PCDHA3: variants seen among roughly 807,000 people sequenced by gnomAD.
PCDHA3 encodes the protein protocadherin alpha 3.
A neutral mutation model predicts 62.2 loss-of-function variants in PCDHA3; 41 were observed. That is an observed-to-expected ratio of 0.66 (90% CI 0.51 to 0.86). The LOEUF is 0.86. PCDHA3 is among the 40% of genes least tolerant of loss of function. The pLI is 0.00. For synonymous variants in PCDHA3, 640 were observed against 555.4 expected (o/e 1.15, Z -2.14); for missense variants, 1,304 against 1,241.2 (o/e 1.05, Z -0.76).
intron 1 of PCDHA3, 159 bp from the exon 2 acceptor site, chr5:140,978,790 T>C (rs2096823347): frequency 3.1e-6 from 3 of 975,976 alleles, no homozygotes; most frequent in Non-Finnish European, 3.7e-6. Flanking sequence ...TAAAGTGCTA[T>C]ATATGTAGAT....
chr5:140,999,431 C>G (rs1554256799), intron 3 of PCDHA3, among the ~76,000 whole-genome samples: 1 of 152,134 alleles, frequency 6.6e-6, no homozygotes, highest in African/African-American at 2.4e-5. Context: ...GGCCAAGTAC[C>G]TTGCCTCTTA....
intron 1 of PCDHA3, among the ~76,000 whole-genome samples, chr5:140,941,193 T>TC (rs1554213826): frequency 4.3e-5 from 5 of 116,722 alleles, no homozygotes; most frequent in African/African-American, 1.7e-4. Flanking sequence ...TTCTTTTTTT[T>TC]TCTTTCTTCC....
intron 1 of PCDHA3, among the ~76,000 whole-genome samples, chr5:140,911,178 G>A (rs1227283843): frequency 1.3e-5 from 2 of 152,196 alleles, no homozygotes; most frequent in Non-Finnish European, 2.9e-5. Flanking sequence ...TGATGGCAGT[G>A]TGGGTTGGGG....
At chr5:140,871,190 A>G (rs1554165248) in intron 1 of PCDHA3, 9 of 1,613,526 alleles carry the variant, frequency 5.6e-6, no homozygotes, top group Admixed American at 3.3e-5. Flanking sequence ...GTGGATGTCA[A>G]CGTGTACCTG....
chr5:140,843,674 G>A (rs2150364800), intron 1 of PCDHA3: 16 of 1,592,324 alleles, frequency 1.0e-5, no homozygotes, highest in Middle Eastern at 1.7e-4. Context: ...ATCAGTTGAT[G>A]TAGGCGAAGA....
At position 140,868,867 on chromosome 5, in the gene PCDHA3, G is replaced by A. The variant is rs532271305; in HGVS notation, c.2394+65276G>A. ...GAAATTCTGTGGTGGTAAATGCAGT[G>A]CACAGTACTCACAGTTTTAGGCGCA... On this transcript the variant is annotated intron_variant, in intron 1 of 3. Coordinates refer to ENST00000522353, the MANE Select transcript of PCDHA3 (RefSeq NM_018906.3). The A allele has an allele frequency of 2.8e-4, 173 of 611,220 alleles. 1 individual carries two copies. In the South Asian group the frequency reaches 3.9e-3, roughly 14 times the overall value. 37.9% of individuals were successfully genotyped at this position (611,220 alleles called of 1,614,324 possible).
intron 1 of PCDHA3, chr5:140,929,538 A>C: frequency 3.3e-6 from 2 of 603,382 alleles, no homozygotes; most frequent in Non-Finnish European, 5.1e-6. Context: ...TTGAGAAACA[A>C]GGGCAAAAAT....
At chr5:140,953,948 C>A (rs1012464637) in intron 1 of PCDHA3, among the ~76,000 whole-genome samples, 2 of 152,092 alleles carry the variant, frequency 1.3e-5, no homozygotes, top group Non-Finnish European at 2.9e-5. Context: ...CATTGCTCCC[C>A]CAACAGGCCC....
chr5:140,924,901 A>AAAAAAT (rs369245222), intron 1 of PCDHA3, among the ~76,000 whole-genome samples: 13 of 80,502 alleles, frequency 1.6e-4, no homozygotes, highest in East Asian at 1.6e-3. Flanking sequence ...TCTCAAAAAA[A>AAAAAAT]AAAATAAAAT....
chr5:141,004,351 G>T (rs547017222), intron 3 of PCDHA3, among the ~76,000 whole-genome samples: 1 of 152,332 alleles, frequency 6.6e-6, no homozygotes, highest in African/African-American at 2.4e-5. Flanking sequence ...TGAGGGACTG[G>T]AGAGACCACA....
intron 1 of PCDHA3, chr5:140,841,116 TA>T: frequency 1.6e-6 from 1 of 615,476 alleles, no homozygotes; most frequent in Non-Finnish European, 2.8e-6. Flanking sequence ...GTAATTCATG[TA>T]ATCATTACCT....
chr5:140,947,290 T>G (rs1554218137), intron 1 of PCDHA3, among the ~76,000 whole-genome samples: 2 of 151,614 alleles, frequency 1.3e-5, no homozygotes, highest in Non-Finnish European at 3.0e-5. Context: ...TTTTATTGCA[T>G]TATCTTGACA....
At chr5:140,993,018 C>T (rs2097537347) in intron 3 of PCDHA3, among the ~76,000 whole-genome samples, 1 of 152,174 alleles carries the variant, frequency 6.6e-6, no homozygotes, top group African/African-American at 2.4e-5. Flanking sequence ...AGTCCAGCAT[C>T]CCCTGTGGGC....
intron 1 of PCDHA3, chr5:140,857,097 T>C (rs782084085): frequency 6.3e-7 from 1 of 1,597,284 alleles, no homozygotes; most frequent in Non-Finnish European, 8.6e-7. Context: ...CCTGAGGTGA[T>C]TGTCACTTCT....
chr5:140,829,380 G>A, intron 1 of PCDHA3: 1 of 1,614,112 alleles, frequency 6.2e-7, no homozygotes, highest in Non-Finnish European at 8.5e-7. Flanking sequence ...GCGCGGGACG[G>A]GGGCTCGCCT....
intron 1 of PCDHA3, chr5:140,842,240 A>G: frequency 6.2e-7 from 1 of 1,612,484 alleles, no homozygotes; most frequent in East Asian, 2.2e-5. Context: ...GATTCGGGGT[A>G]ATTTGGATTT....
chr5:140,955,975 A>G (rs2095244010), intron 1 of PCDHA3, among the ~76,000 whole-genome samples: 1 of 152,112 alleles, frequency 6.6e-6, no homozygotes, highest in Admixed American at 6.6e-5. Flanking sequence ...TAGGAATGCT[A>G]GCAATTTTTG....
At chr5:140,817,434 G>C (rs2150098195) in intron 1 of PCDHA3, 17 of 152,176 alleles carry the variant, frequency 1.1e-4, no homozygotes, top group African/African-American at 4.1e-4. Flanking sequence ...TGGAGGGTCT[G>C]GGGATTCCTA....
chr5:140,997,100 T>G (rs1286807919), intron 3 of PCDHA3, among the ~76,000 whole-genome samples: 1 of 152,170 alleles, frequency 6.6e-6, no homozygotes, highest in Non-Finnish European at 1.5e-5. Flanking sequence ...AGAGTTCTCA[T>G]GCACTCCTGC....
Sources: allele counts gnomAD v4.1 joint callset (sites outside exome capture counted in the v4.1 genomes callset), GRCh38; gene constraint gnomAD v4.1.1; transcripts MANE v1.5; gene names NCBI Gene and HGNC (gene_info 2026-07-23, HGNC 2026-07-21).